EXOSC10: variants seen among roughly 807,000 people sequenced by gnomAD.
EXOSC10 encodes exosome complex component 10.
In EXOSC10, 94 loss-of-function variants were observed where a neutral mutation model predicts 126.6. That is an observed-to-expected ratio of 0.74 (90% confidence interval 0.63 to 0.88). EXOSC10 has a LOEUF of 0.88. EXOSC10 is among the 40% of genes least tolerant of loss of function. EXOSC10 has a pLI of 0.00. For synonymous variants in EXOSC10, 395 were observed against 400.8 expected, an observed-to-expected ratio of 0.99 and a Z score of 0.17; for missense variants, 1,041 against 1,100.5, an observed-to-expected ratio of 0.95 and a Z score of 0.77.
At chr1:11,084,921 A>C (rs559742946) in intron 9 of EXOSC10, among the ~76,000 whole-genome samples, 4 of 152,284 alleles carry the variant, frequency 2.6e-5, no homozygotes, top group Non-Finnish European at 4.4e-5. Flanking sequence ...CAGGTTTGTC[A>C]AAGATCAGAT....
rs560205814 is a variant in EXOSC10, at chr1:11,071,252, G to A, written c.2243-279C>T. The A allele has an allele frequency of 4.5e-5, 19 of 424,298 alleles. No individual in the cohort carries two copies. In the South Asian group the frequency reaches 6.6e-4, roughly 15 times the overall value. 26.3% of individuals were successfully genotyped at this position (424,298 alleles called of 1,614,324 possible). ...CTCAGTGGCCTGTGGACCTGAGGGC[G>A]TTTAACAGGATCGTCACCATCACCA... is the stretch of plus-strand genomic sequence containing the variant. On this transcript the variant is annotated intron_variant, in intron 20 of 24. Transcript: ENST00000376936.
chr1:11,073,256 C>T (rs987295170), intron 19 of EXOSC10, among the ~76,000 whole-genome samples: 1 of 152,198 alleles, frequency 6.6e-6, no homozygotes, highest in African/African-American at 2.4e-5. Context: ...CCTCAGCCCC[C>T]CGAGTAGCTG....
intron 5 of EXOSC10, 91 bp from the exon 6 acceptor site, chr1:11,090,759 C>CTTT: frequency 2.2e-6 from 2 of 908,466 alleles, no homozygotes; most frequent in Non-Finnish European, 3.2e-6. Flanking sequence ...TGTTTTTTGG[C>CTTT]TTTTTTTTTT....
intron 13 of EXOSC10, 67 bp downstream of exon 13, chr1:11,080,432 G>A: frequency 1.3e-6 from 2 of 1,591,648 alleles, no homozygotes; most frequent in Non-Finnish European, 8.6e-7. Flanking sequence ...AACCAGAAAA[G>A]CTTGATTTTG....
At chr1:11,096,496 A>G (rs1249529691) in intron 2 of EXOSC10, among the ~76,000 whole-genome samples, 2 of 129,964 alleles carry the variant, frequency 1.5e-5, no homozygotes, top group East Asian at 2.3e-4. Flanking sequence ...TTTTTTAAAG[A>G]GACAGGGTCT....
chr1:11,083,389 C>T (rs1265459791), intron 9 of EXOSC10, among the ~76,000 whole-genome samples: 2 of 151,908 alleles, frequency 1.3e-5, no homozygotes, highest in Non-Finnish European at 2.9e-5. Context: ...TGGCAAAACC[C>T]TGTCTCTACT....
rs368062216 is a variant in EXOSC10 at position 11,074,413 on chromosome 1, A to ATTTTTT, written c.1987-93_1987-88dup. 138 of 743,136 alleles carry ATTTTTT rather than the reference A, an allele frequency of 1.9e-4. No individual in the cohort carries two copies. In the African/African-American group the frequency reaches 2.1e-3, roughly 11 times the overall value. The allele number at this position is 743,136 out of a possible 1,614,324, so 46.0% of individuals were successfully genotyped here. ...AGCAAGAGAGCAACAGTTAACAGTG[A>ATTTTTT]TTTTTTTTTTTTTTCTGGAGACAGA... is the stretch of plus-strand genomic sequence containing the variant. On this transcript the variant is annotated intron_variant, in intron 17 of 24. Transcript: ENST00000376936.
chr1:11,076,538 T>C (rs1639827320), intron 17 of EXOSC10, among the ~76,000 whole-genome samples: 1 of 152,190 alleles, frequency 6.6e-6, no homozygotes, highest in South Asian at 2.1e-4. Context: ...CCTGCTTGTA[T>C]GTTCTCTTAG....
At chr1:11,067,655 T>G (rs1176880803) in intron 24 of EXOSC10, among the ~76,000 whole-genome samples, 1 of 152,116 alleles carries the variant, frequency 6.6e-6, no homozygotes, top group Non-Finnish European at 1.5e-5. Context: ...ATAACCCACA[T>G]GTGCTTACTT....
At chr1:11,067,460 C>T (rs1232370301) in intron 24 of EXOSC10, among the ~76,000 whole-genome samples, 13 of 148,942 alleles carry the variant, frequency 8.7e-5, no homozygotes, top group Non-Finnish European at 1.5e-4. Flanking sequence ...AAACATTAGC[C>T]GGGCATGATG....
chr1:11,091,967 G>C (rs1640831609), intron 3 of EXOSC10, among the ~76,000 whole-genome samples: 1 of 152,166 alleles, frequency 6.6e-6, no homozygotes, highest in Non-Finnish European at 1.5e-5. Context: ...TGGGATTATA[G>C]GCGTGAGCCA....
intron 10 of EXOSC10, 68 bp downstream of exon 10, chr1:11,082,620 T>G: frequency 6.3e-7 from 1 of 1,588,880 alleles, no homozygotes; most frequent in Non-Finnish European, 8.6e-7. Context: ...CAGGTCTCTC[T>G]GGACGACAGG....
At position 11,079,731 on chromosome 1, in the gene EXOSC10, G is replaced by C. The variant is rs770343987; in HGVS notation, c.1729C>G (p.Arg577Gly). 6.2e-7 allele frequency: 1 copy of C among 1,613,660 alleles called. No individual in the cohort carries two copies. The highest frequency in any genetic ancestry group is 8.5e-7 in the Non-Finnish European group (1 of 1,179,836). ...CTTACCTTGAGCAGGGGCATCTCTC[G>C]GGCCTGCTGGATTAAAAGGTGCATT... Reference protein sequence around the residue: ...NEMHLLIQQAREMPLLKSEVA... With the variant: ...NEMHLLIQQAGEMPLLKSEVA... Residue 577 changes from arginine to glycine, a missense_variant, in exon 14 of 25, where the codon CGA becomes GGA. Physicochemically the swap from Arg to Gly is moderately radical, Grantham distance 125. Around this residue, in one of 3 missense-constraint regions of EXOSC10, gnomAD observed 388 missense variants for 415.2 expected, o/e 0.93. Coordinates refer to ENST00000376936, the MANE Select transcript of EXOSC10 (RefSeq NM_001001998.3).
chr1:11,081,080 A>G lies in EXOSC10; in HGVS notation c.1437+2T>C, dbSNP rs769651237. ...GTCTGTGTGACTGCGGCTGAGGTGTACCTTGAGGCAGATGTCCCTGCTCCG... is the reference window on the plus strand; with the variant it reads ...GTCTGTGTGACTGCGGCTGAGGTGTGCCTTGAGGCAGATGTCCCTGCTCCG... On this transcript the variant is annotated splice_donor_variant, in intron 11 of 24. Transcript: ENST00000376936. LOFTEE classifies it high-confidence loss of function. 2 of 1,614,068 alleles carry G rather than the reference A, an allele frequency of 1.2e-6. No homozygotes were observed. Among genetic ancestry groups the G allele is most frequent in the Non-Finnish European group, 1.7e-6 (2 of 1,179,994 alleles).
At chr1:11,067,268 A>G (rs1464546262) in intron 24 of EXOSC10, among the ~76,000 whole-genome samples, 1 of 148,526 alleles carries the variant, frequency 6.7e-6, no homozygotes, top group Non-Finnish European at 1.5e-5. Flanking sequence ...CGTCTCTACT[A>G]AAAAATACAA....
intron 12 of EXOSC10, 107 bp from the exon 13 acceptor site, chr1:11,080,656 TA>T (rs1309606700): frequency 6.9e-6 from 11 of 1,601,930 alleles, no homozygotes; most frequent in Non-Finnish European, 9.3e-6. Context: ...TGCTGTCACA[TA>T]GGGGAAATAA....
intron 3 of EXOSC10, among the ~76,000 whole-genome samples, chr1:11,093,335 G>A (rs1640900768): frequency 6.6e-6 from 1 of 152,164 alleles, no homozygotes; most frequent in Non-Finnish European, 1.5e-5. Flanking sequence ...GAAACTGCAG[G>A]GAGTCCTCAT....
chr1:11,087,495 C>A lies in EXOSC10; in HGVS notation c.1042G>T (p.Asp348Tyr). 6.2e-7 allele frequency: 1 copy of A among 1,614,100 alleles called. No homozygotes were observed. Among genetic ancestry groups the A allele is most frequent in the Non-Finnish European group, 8.5e-7 (1 of 1,180,006 alleles). ...FIIDTLELRSDMYILNESLTD... is the reference protein window; with the variant it reads ...FIIDTLELRSYMYILNESLTD... ...AGGCTCTCATTGAGAATGTACATGT[C>A]ACTTCGAAGCTCGAGGGTGTCAATG... Residue 348 changes from aspartate to tyrosine, a missense_variant, in exon 9 of 25, where the codon GAC (aspartate) becomes TAC (tyrosine). Asp to Tyr is a radical substitution (Grantham distance 160). Coordinates refer to ENST00000376936, the MANE Select transcript of EXOSC10 (RefSeq NM_001001998.3).
At chr1:11,068,272 A>G (rs2791656) in intron 23 of EXOSC10, among the ~76,000 whole-genome samples, 188 bp from the exon 24 acceptor site, 101,095 of 151,950 alleles carry the variant, frequency 0.67, 36,202 homozygotes, top group East Asian at 0.94. Flanking sequence ...GAACAGGAGC[A>G]CCCCAAAGCA....
Sources: gnomAD v4.1 joint callset for allele counts (sites outside exome capture counted in the v4.1 genomes callset) on GRCh38, gnomAD v4.1.1 for gene constraint, gnomAD v4.1.1 regional missense constraint, MANE v1.5 for transcripts, NCBI Gene and HGNC (gene_info 2026-07-23, HGNC 2026-07-21) for gene names.